ENTPD3: variants seen among roughly 807,000 people sequenced by gnomAD.
ENTPD3 encodes the protein CD39 antigen-like 3.
Under a neutral mutation model 51.2 loss-of-function variants are expected in ENTPD3, and 60 were observed. The observed-to-expected ratio is 1.17, with a 90% confidence interval of 0.95 to 1.45. The LOEUF is 1.45. Among genes scored for constraint, ENTPD3 ranks in the 40% most tolerant of loss-of-function variants. The pLI is 0.00. For synonymous variants in ENTPD3, 221 were observed against 238.4 expected, an observed-to-expected ratio of 0.93 and a Z score of 0.67; for missense variants, 593 against 641.1, an observed-to-expected ratio of 0.93 and a Z score of 0.81.
At chr3:40,403,468 C>G (rs950390887) in intron 4 of ENTPD3, among the ~76,000 whole-genome samples, 3 of 152,076 alleles carry the variant, frequency 2.0e-5, no homozygotes, top group South Asian at 4.2e-4. Context: ...TGTAATACCC[C>G]CTGTTGCTGC....
At chr3:40,390,089 A>G (rs1955019275) in intron 2 of ENTPD3, among the ~76,000 whole-genome samples, 2 of 152,196 alleles carry the variant, frequency 1.3e-5, no homozygotes, top group South Asian at 2.1e-4. Context: ...TAGATAGCCA[A>G]TTGATTAGAT....
intron 4 of ENTPD3, among the ~76,000 whole-genome samples, chr3:40,404,899 T>G (rs148983134): frequency 2.5e-4 from 38 of 152,316 alleles, no homozygotes; most frequent in African/African-American, 8.7e-4. Flanking sequence ...CTGGTTGGTA[T>G]CAACCCCCAG....
chr3:40,420,785 T>G (rs1955852218), intron 7 of ENTPD3, among the ~76,000 whole-genome samples: 1 of 152,094 alleles, frequency 6.6e-6, no homozygotes, highest in African/African-American at 2.4e-5. Context: ...GTTAAATAAT[T>G]GCATTACTTG....
intron 4 of ENTPD3, among the ~76,000 whole-genome samples, chr3:40,410,463 A>G (rs1158472661): frequency 6.6e-6 from 1 of 152,002 alleles, no homozygotes; most frequent in African/African-American, 2.4e-5. Flanking sequence ...AAAAAAGAGA[A>G]AAAGATATCA....
chr3:40,409,340 C>T (rs537124986), intron 4 of ENTPD3, among the ~76,000 whole-genome samples: 2 of 152,234 alleles, frequency 1.3e-5, no homozygotes, highest in African/African-American at 4.8e-5. Context: ...ACAGCTACTT[C>T]AGTTCTGAAC....
intron 3 of ENTPD3, among the ~76,000 whole-genome samples, chr3:40,393,811 G>A (rs1359879574): frequency 1.3e-5 from 2 of 151,990 alleles, no homozygotes; most frequent in East Asian, 1.9e-4. Context: ...TTGGGAGGCC[G>A]AGGCGGGCGG....
At chr3:40,400,331 C>T (rs1208653603) in intron 3 of ENTPD3, among the ~76,000 whole-genome samples, 2 of 151,528 alleles carry the variant, frequency 1.3e-5, no homozygotes, top group Non-Finnish European at 2.9e-5. Flanking sequence ...TAACTTCTTC[C>T]TATGCTTTTA....
rs1206474569 is a variant in ENTPD3 at position 40,414,705 on chromosome 3, T to C, written c.462T>C (p.Asn154=). The part of the protein sequence containing the change: ...LLRLQNETAA[N]EVLESIQSYF... ...GGTTGCAAAATGAAACAGCAGCTAA[T>C]GAAGTCCTTGAAAGCATCCAAAGCT... Residue 154 remains asparagine (N), a synonymous_variant, in exon 6 of 11, where the codon AAT becomes AAC. Coordinates refer to ENST00000301825, the MANE Select transcript of ENTPD3 (RefSeq NM_001248.4). The C allele has an allele frequency of 6.2e-7, 1 of 1,614,118 alleles. No homozygotes were observed. The highest frequency in any genetic ancestry group is 1.7e-5 in the Admixed American group (1 of 60,024).
chr3:40,393,685 TGAG>T (rs1955119609), intron 3 of ENTPD3, among the ~76,000 whole-genome samples: 1 of 151,994 alleles, frequency 6.6e-6, no homozygotes, highest in Non-Finnish European at 1.5e-5. Flanking sequence ...CACCCAATAA[TGAG>T]AAGAAAGCAA....
At chr3:40,391,966 T>C in intron 2 of ENTPD3, 57 bp from the exon 3 acceptor site, 1 of 1,601,002 alleles carries the variant, frequency 6.2e-7, no homozygotes, top group Non-Finnish European at 8.5e-7. Flanking sequence ...CTACAAAGAA[T>C]ACCAGTGCCT....
intron 3 of ENTPD3, among the ~76,000 whole-genome samples, chr3:40,393,059 C>T (rs1489262608): frequency 6.6e-6 from 1 of 151,920 alleles, no homozygotes; most frequent in Non-Finnish European, 1.5e-5. Context: ...CTCAACAAGT[C>T]CATCCCCAAA....
At chr3:40,389,401 C>A (rs1955007683) in intron 2 of ENTPD3, among the ~76,000 whole-genome samples, 1 of 152,180 alleles carries the variant, frequency 6.6e-6, no homozygotes, top group Non-Finnish European at 1.5e-5. Flanking sequence ...AACTCCATGG[C>A]AGTTGGCTCT....
chr3:40,412,249 T>C (rs1204121797), intron 5 of ENTPD3, among the ~76,000 whole-genome samples: 1 of 152,218 alleles, frequency 6.6e-6, no homozygotes, highest in Admixed American at 6.5e-5. Context: ...ATAACTCTAG[T>C]TCTTTGAAAA....
chr3:40,402,354 A>C (rs936481497), intron 4 of ENTPD3, among the ~76,000 whole-genome samples: 5 of 151,676 alleles, frequency 3.3e-5, no homozygotes, highest in African/African-American at 1.2e-4. Flanking sequence ...CCTGACCTCA[A>C]GTGATCCACC....
At chr3:40,424,675 C>G in intron 10 of ENTPD3, 2 of 694,638 alleles carry the variant, frequency 2.9e-6, no homozygotes, top group Non-Finnish European at 5.3e-6. Context: ...GTGAAAGGAC[C>G]TCCATACCTT....
chr3:40,394,955 C>G (rs186616149), intron 3 of ENTPD3, among the ~76,000 whole-genome samples: 131 of 152,316 alleles, frequency 8.6e-4, no homozygotes, highest in African/African-American at 2.9e-3. Context: ...GTTTCCCCTT[C>G]TAGAACACAC....
intron 4 of ENTPD3, among the ~76,000 whole-genome samples, chr3:40,405,362 G>A (rs373030927): frequency 1.1e-4 from 16 of 151,954 alleles, no homozygotes; most frequent in African/African-American, 3.4e-4. Context: ...AAAATTAGCC[G>A]GGCTTGGTGG....
chr3:40,410,811 GACTT>G (rs1381415776), intron 4 of ENTPD3, among the ~76,000 whole-genome samples: 1 of 152,006 alleles, frequency 6.6e-6, no homozygotes, highest in African/African-American at 2.4e-5. Flanking sequence ...GACAGAAAGA[GACTT>G]AAGATTGCAC....
chr3:40,406,558 A>G (rs1168792101), intron 4 of ENTPD3, among the ~76,000 whole-genome samples: 1 of 152,256 alleles, frequency 6.6e-6, no homozygotes, highest in African/African-American at 2.4e-5. Flanking sequence ...ACACCAGTTA[A>G]GTGCTGTTAA....
Sources: allele counts gnomAD v4.1 joint callset (sites outside exome capture counted in the v4.1 genomes callset), GRCh38; gene constraint gnomAD v4.1.1; transcripts MANE v1.5; gene names NCBI Gene and HGNC (gene_info 2026-07-23, HGNC 2026-07-21).